The following TSGA10 variants were observed in gnomAD, a reference collection of about 807,000 sequenced individuals.
TSGA10 encodes testis specific 10.
In TSGA10, 43 loss-of-function variants were observed where a neutral mutation model predicts 96.6. That is an observed-to-expected ratio of 0.44 (90% confidence interval 0.35 to 0.57). The LOEUF (loss-of-function observed/expected upper bound fraction) is 0.57. Among genes scored for constraint, TSGA10 ranks in the 20% least tolerant of loss-of-function variants. TSGA10 has a pLI of 0.01. For missense variants in TSGA10, 703 were observed against 834.4 expected (o/e 0.84, Z 1.94); for synonymous variants, 229 against 269.9 (o/e 0.85, Z 1.48).
At position 99,154,845 on chromosome 2, in the gene TSGA10, C is replaced by G; in HGVS notation, c.-773G>C. The G allele has an allele frequency of 2.9e-6, 1 of 348,754 alleles. No homozygotes were observed. Among genetic ancestry groups the G allele is most frequent in the Non-Finnish European group, 5.7e-6 (1 of 175,666 alleles). 21.6% of individuals were successfully genotyped at this position (348,754 alleles called of 1,614,324 possible). A position where few individuals can be genotyped will look rare whatever the true frequency, so the allele number is the denominator to read the frequency against. On this transcript the variant is annotated 5_prime_UTR_variant, in exon 1 of 21. Coordinates refer to ENST00000393483, the MANE Select transcript of TSGA10 (RefSeq NM_025244.4). Reference sequence around the variant, plus strand: ...CCCTGAAGGACCCTTACTTAGCACTCCTGCGGGCTGCCGGGACCCCACGGC... The same window carrying G: ...CCCTGAAGGACCCTTACTTAGCACTGCTGCGGGCTGCCGGGACCCCACGGC...
intron 20 of TSGA10, among the ~76,000 whole-genome samples, chr2:99,008,392 A>G (rs1033314530): frequency 1.3e-5 from 2 of 152,218 alleles, no homozygotes; most frequent in African/African-American, 4.8e-5. Flanking sequence ...ATGAATAGCT[A>G]ATTCCCAAAA....
At chr2:99,052,481 T>A (rs2083490456) in intron 16 of TSGA10, among the ~76,000 whole-genome samples, 1 of 151,922 alleles carries the variant, frequency 6.6e-6, no homozygotes, top group Non-Finnish European at 1.5e-5. Flanking sequence ...TAAAAATAAA[T>A]CTGTCCCAGA....
At chr2:99,019,786 G>A (rs972573228) in intron 18 of TSGA10, among the ~76,000 whole-genome samples, 4 of 152,164 alleles carry the variant, frequency 2.6e-5, no homozygotes, top group African/African-American at 9.7e-5. Context: ...TAAGGTGCTA[G>A]GAGTGCTAGA....
intron 11 of TSGA10, among the ~76,000 whole-genome samples, chr2:99,081,075 A>T (rs1461758773): frequency 6.6e-6 from 1 of 152,158 alleles, no homozygotes; most frequent in Non-Finnish European, 1.5e-5. Flanking sequence ...TCATTGATAA[A>T]TTTTAACTTA....
intron 1 of TSGA10, chr2:99,147,432 G>A (rs1007420972): frequency 6.2e-7 from 1 of 1,612,036 alleles, no homozygotes; most frequent in Admixed American, 1.7e-5. Context: ...CTAAATGCCA[G>A]TCCAAAGAGG....
intron 1 of TSGA10, among the ~76,000 whole-genome samples, chr2:99,144,023 TTTTG>T (rs777313997): frequency 5.3e-5 from 8 of 150,688 alleles, no homozygotes; most frequent in Non-Finnish European, 8.9e-5. Flanking sequence ...TGTTCCTTTT[TTTTG>T]TTTGTTTTTT....
chr2:99,147,578 G>C, intron 1 of TSGA10: 1 of 1,144,130 alleles, frequency 8.7e-7, no homozygotes. Context: ...TGTGCAAATT[G>C]ATAATTATAT....
At chr2:99,046,324 T>C (rs1235626702) in intron 16 of TSGA10, among the ~76,000 whole-genome samples, 3 of 152,172 alleles carry the variant, frequency 2.0e-5, no homozygotes, top group Non-Finnish European at 4.4e-5. Flanking sequence ...TAGTTGGAAG[T>C]AAAGCACTCC....
Position 99,095,195 on chromosome 2 carries a change from T to C in TSGA10, c.611+8772A>G, listed in dbSNP as rs189315359. ...TCTCACTCATAAGTGGGAGCTAAGCTATGAGGATGCAAAGGCATAAGGATG... is the reference window on the plus strand; with the variant it reads ...TCTCACTCATAAGTGGGAGCTAAGCCATGAGGATGCAAAGGCATAAGGATG... On this transcript the variant is annotated intron_variant, in intron 10 of 20. Coordinates refer to ENST00000393483, the MANE Select transcript of TSGA10 (RefSeq NM_025244.4). 2.5e-3 allele frequency among the ~76,000 whole-genome samples: 382 copies of C among 152,140 alleles called. 6 individuals are homozygous for C. Among genetic ancestry groups the C allele is most frequent in the East Asian group, 3.5e-3 (18 of 5,182 alleles).
chr2:99,019,104 T>C (rs896792618), intron 18 of TSGA10, among the ~76,000 whole-genome samples: 1 of 152,130 alleles, frequency 6.6e-6, no homozygotes, highest in Non-Finnish European at 1.5e-5. Context: ...TTCAATTTAA[T>C]AGAATCTTCC....
At chr2:99,109,567 A>G in intron 5 of TSGA10, 55 bp from the exon 6 acceptor site, 2 of 1,395,022 alleles carry the variant, frequency 1.4e-6, no homozygotes, top group South Asian at 1.9e-5. Flanking sequence ...CTTGCCAAAG[A>G]GGAAAAAATT....
chr2:99,102,218 C>A, intron 10 of TSGA10: 1 of 1,610,386 alleles, frequency 6.2e-7, no homozygotes, highest in South Asian at 1.1e-5. Context: ...CCAAGAACTT[C>A]AGTGAAGTAT....
chr2:99,141,128 C>A, intron 1 of TSGA10: 3 of 1,280,728 alleles, frequency 2.3e-6, no homozygotes, highest in South Asian at 2.5e-5. Context: ...CGCCGTCCTG[C>A]CCAGAGCTCA....
At chr2:99,006,263 C>T (rs1243754986) in intron 20 of TSGA10, among the ~76,000 whole-genome samples, 1 of 152,086 alleles carries the variant, frequency 6.6e-6, no homozygotes. Flanking sequence ...ACACCAAAAG[C>T]AATGGCAACA....
At chr2:99,130,381 T>C (rs2093019382) in intron 1 of TSGA10, among the ~76,000 whole-genome samples, 1 of 152,242 alleles carries the variant, frequency 6.6e-6, no homozygotes, top group South Asian at 2.1e-4. Context: ...TAATGACCAA[T>C]GATGAGCTTT....
intron 1 of TSGA10, among the ~76,000 whole-genome samples, chr2:99,128,388 C>A (rs1320745218): frequency 2.6e-5 from 4 of 152,198 alleles, no homozygotes; most frequent in Non-Finnish European, 5.9e-5. Context: ...CCATTTCTTA[C>A]ATGGTTTCTG....
intron 16 of TSGA10, among the ~76,000 whole-genome samples, chr2:99,062,693 C>T (rs1459253760): frequency 6.6e-6 from 1 of 152,126 alleles, no homozygotes; most frequent in Admixed American, 6.5e-5. Context: ...TATGATTGTA[C>T]CACTGCACTC....
chr2:99,064,063 A>G (rs1211477507), intron 16 of TSGA10, among the ~76,000 whole-genome samples: 1 of 152,162 alleles, frequency 6.6e-6, no homozygotes, highest in East Asian at 1.9e-4. Context: ...GCAGAATGAC[A>G]CTTTAGAGAG....
At chr2:99,141,171 G>C (rs1048398752) in intron 1 of TSGA10, 1 of 1,254,592 alleles carries the variant, frequency 8.0e-7, no homozygotes, top group Admixed American at 2.6e-5. Flanking sequence ...GCCTCAGCGG[G>C]GGATACAAGA....
Sources: allele counts gnomAD v4.1 joint callset (sites outside exome capture counted in the v4.1 genomes callset), GRCh38; gene constraint gnomAD v4.1.1; transcripts MANE v1.5; gene names NCBI Gene and HGNC (gene_info 2026-07-23, HGNC 2026-07-21).